Variants in NKAIN3 observed in about 807,000 individuals in gnomAD.
NKAIN3 encodes sodium/potassium transporting ATPase interacting 3, also known as sodium/potassium-transporting ATPase subunit beta-1-interacting protein 3.
NKAIN3 carries 25 observed loss-of-function variants against 30.2 expected under a neutral mutation model. The ratio of observed to expected loss-of-function variants is 0.83; its 90% confidence interval spans 0.60 to 1.16. NKAIN3 has a LOEUF of 1.16. Ranked by LOEUF, NKAIN3 falls within the 50% of genes most tolerant of loss-of-function variation. The probability of loss-of-function intolerance (pLI) is 0.00; values close to 1 mark genes in which losing one functional copy is unlikely to be tolerated. For missense variants in NKAIN3, 225 were observed against 254.1 expected, an observed-to-expected ratio of 0.89 and a Z score of 0.78; for synonymous variants, 91 against 89.6, an observed-to-expected ratio of 1.02 and a Z score of -0.09.
chr8:62,449,960 A>G (rs1280189070), intron 1 of NKAIN3, among the ~76,000 whole-genome samples: 1 of 152,176 alleles, frequency 6.6e-6, no homozygotes, highest in African/African-American at 2.4e-5. Flanking sequence ...AGGAAGCAAA[A>G]TAATGACCAA....
chr8:62,308,868 T>C (rs994687695), intron 1 of NKAIN3, among the ~76,000 whole-genome samples: 3 of 150,550 alleles, frequency 2.0e-5, no homozygotes, highest in Non-Finnish European at 4.4e-5. Context: ...AAGGGCTGCC[T>C]GTACAACTCA....
chr8:62,471,660 T>G (rs576366956), intron 1 of NKAIN3, among the ~76,000 whole-genome samples: 1 of 152,240 alleles, frequency 6.6e-6, no homozygotes, highest in East Asian at 1.9e-4. Context: ...ACTTTCTACT[T>G]CAGCTCACTG....
intron 1 of NKAIN3, among the ~76,000 whole-genome samples, chr8:62,328,144 C>T (rs1815206810): frequency 6.6e-6 from 1 of 151,988 alleles, no homozygotes; most frequent in Non-Finnish European, 1.5e-5. Flanking sequence ...GTTAAAACTT[C>T]ATTAGAACAG....
intron 3 of NKAIN3, among the ~76,000 whole-genome samples, chr8:62,731,166 A>G (rs954345905): frequency 4.0e-5 from 6 of 151,682 alleles, no homozygotes; most frequent in African/African-American, 1.2e-4. Flanking sequence ...AAACAGCAAA[A>G]CTGAAGTGCT....
At chr8:62,555,777 A>G (rs1406663493) in intron 1 of NKAIN3, among the ~76,000 whole-genome samples, 1 of 152,054 alleles carries the variant, frequency 6.6e-6, no homozygotes, top group Admixed American at 6.6e-5. Context: ...ACACAAAGAG[A>G]TATTGTAGTC....
intron 1 of NKAIN3, among the ~76,000 whole-genome samples, chr8:62,570,043 C>A (rs71525493): frequency 0.053 from 8,054 of 152,170 alleles, 313 homozygotes; most frequent in Middle Eastern, 0.11. Flanking sequence ...ATATGTGTGA[C>A]CCTGTTTTAA....
rs187561374 is a variant in NKAIN3, at chr8:62,832,652, A to G, written c.471+85523A>G. On this transcript the variant is annotated intron_variant, in intron 4 of 6. Coordinates refer to ENST00000623646, the MANE Select transcript of NKAIN3 (RefSeq NM_001304533.3). ...CAACAAGATGACTTAACTATCCTAA[A>G]TATATATGCACCCAATATTGGAGCA... Among the ~76,000 whole-genome samples, 6 of 148,260 alleles carry G rather than the reference A, an allele frequency of 4.0e-5. No homozygotes were observed. In the South Asian group the frequency reaches 1.2e-3, roughly 31 times the overall value.
At chr8:62,569,911 A>C (rs543100390) in intron 1 of NKAIN3, among the ~76,000 whole-genome samples, 15 of 152,344 alleles carry the variant, frequency 9.8e-5, no homozygotes, top group Admixed American at 8.5e-4. Flanking sequence ...ATGATTATGA[A>C]ATATTTATCA....
rs191551725 is a variant in NKAIN3, at chr8:62,627,224, G to A, written c.273+37430G>A. On this transcript the variant is annotated intron_variant, in intron 3 of 6. Coordinates refer to ENST00000623646, the MANE Select transcript of NKAIN3 (RefSeq NM_001304533.3). ...TTCTATTTGAGAAATACAGGTAACA[G>A]CACCCACACAAGTAAATGTATTTAA... is the stretch of plus-strand genomic sequence containing the variant. 6.6e-5 allele frequency among the ~76,000 whole-genome samples: 10 copies of A among 152,266 alleles called. No individual in the cohort carries two copies. In the East Asian group the frequency reaches 1.7e-3, roughly 27 times the overall value.
chr8:62,789,482 G>A (rs561041167), intron 4 of NKAIN3, among the ~76,000 whole-genome samples: 3 of 152,124 alleles, frequency 2.0e-5, no homozygotes, highest in Admixed American at 2.0e-4. Context: ...TCTGAAAACA[G>A]GGACAATTTG....
At chr8:62,337,655 A>G (rs1194492045) in intron 1 of NKAIN3, among the ~76,000 whole-genome samples, 1 of 151,972 alleles carries the variant, frequency 6.6e-6, no homozygotes, top group Non-Finnish European at 1.5e-5. Context: ...CAACACTCAC[A>G]CATGCACAGC....
intron 1 of NKAIN3, among the ~76,000 whole-genome samples, chr8:62,510,269 G>A (rs947656454): frequency 2.5e-4 from 38 of 152,018 alleles, no homozygotes; most frequent in Admixed American, 1.2e-3. Context: ...AACAATAAAC[G>A]CTACCAAACT....
intron 1 of NKAIN3, among the ~76,000 whole-genome samples, chr8:62,281,841 A>G (rs13252919): frequency 0.59 from 89,195 of 151,970 alleles, 26,506 homozygotes; most frequent in East Asian, 0.68. Flanking sequence ...CAAATATTCA[A>G]ATTGAATACA....
At position 62,982,499 on chromosome 8, in the gene NKAIN3, T is replaced by A. The variant is rs1004235347; in HGVS notation, c.*17092T>A. 6.6e-6 allele frequency: 1 copy of A among 152,196 alleles called. No individual in the cohort carries two copies. The highest frequency in any genetic ancestry group is 1.5e-5 in the Non-Finnish European group (1 of 68,030). 9.4% of individuals were successfully genotyped at this position (152,196 alleles called of 1,614,324 possible). On this transcript the variant is annotated 3_prime_UTR_variant, in exon 7 of 7. Transcript: ENST00000623646. ...TAGAGTCTTCCAAAACGCCTCTCCT[T>A]CCAAAATGGCTAAAAGGGCAAAGCG...
intron 1 of NKAIN3, among the ~76,000 whole-genome samples, chr8:62,390,994 C>A (rs1418871725): frequency 6.6e-6 from 1 of 152,044 alleles, no homozygotes; most frequent in African/African-American, 2.4e-5. Context: ...CTGTAGGTTG[C>A]CTGTTTACTC....
Position 62,927,144 on chromosome 8 carries a change from G to T in NKAIN3, c.532+8631G>T, listed in dbSNP as rs905276240. On this transcript the variant is annotated intron_variant, in intron 5 of 6. Transcript: ENST00000623646. ...CTTCCCTCCACATCCCAGCTTCTCT[G>T]CAAAGTGGCCGAGACTGACAGCACT... Among the ~76,000 whole-genome samples, 6 of 151,996 alleles carry T rather than the reference G, an allele frequency of 3.9e-5. No homozygotes were observed. In the East Asian group the frequency reaches 1.2e-3, roughly 29 times the overall value.
chr8:62,427,979 T>A (rs1468386756), intron 1 of NKAIN3, among the ~76,000 whole-genome samples: 2 of 151,910 alleles, frequency 1.3e-5, no homozygotes, highest in Non-Finnish European at 2.9e-5. Context: ...TTAACCAACC[T>A]GTTTTCACCC....
intron 4 of NKAIN3, among the ~76,000 whole-genome samples, chr8:62,782,591 A>C (rs1817384872): frequency 6.6e-6 from 1 of 151,930 alleles, no homozygotes; most frequent in Non-Finnish European, 1.5e-5. Context: ...CTATCTGGTC[A>C]TAAAATAGAA....
At position 62,347,300 on chromosome 8, in the gene NKAIN3, G is replaced by A. The variant is rs147479189; in HGVS notation, c.54+98173G>A. Among the ~76,000 whole-genome samples, 576 of 152,184 alleles carry A rather than the reference G, an allele frequency of 3.8e-3. 6 individuals are homozygous for A. The highest frequency in any genetic ancestry group is 0.013 in the African/African-American group (544 of 41,524). The stretch of plus-strand genomic sequence containing the variant: ...GTATTGGTGGTTGTGGGAACCTTGG[G>A]AGCTCATCATGCTATCAACATAAAA... On this transcript the variant is annotated intron_variant, in intron 1 of 6. Transcript: ENST00000623646.
Sources: gnomAD v4.1 joint callset for allele counts (sites outside exome capture counted in the v4.1 genomes callset) on GRCh38, gnomAD v4.1.1 for gene constraint, MANE v1.5 for transcripts, NCBI Gene and HGNC (gene_info 2026-07-23, HGNC 2026-07-21) for gene names.